The following GABRG3 variants were observed in gnomAD, a reference collection of about 807,000 sequenced individuals.
GABRG3 encodes gamma-aminobutyric acid type A receptor subunit gamma3.
In GABRG3, 25 loss-of-function variants were observed where a neutral mutation model predicts 48.8. The ratio of observed to expected loss-of-function variants is 0.51; its 90% CI spans 0.37 to 0.72. The LOEUF (loss-of-function observed/expected upper bound fraction) is 0.72. Among genes scored for constraint, GABRG3 ranks in the 30% least tolerant of loss-of-function variants. The pLI, the probability that GABRG3 is intolerant of heterozygous loss-of-function variation, is 0.00. For synonymous variants in GABRG3, 227 were observed against 217.6 expected (o/e 1.04, Z -0.38); for missense variants, 394 against 577.9 (o/e 0.68, Z 3.26).
intron 2 of GABRG3, among the ~76,000 whole-genome samples, chr15:27,024,778 G>T (rs902388989): frequency 3.3e-5 from 5 of 152,110 alleles, no homozygotes; most frequent in African/African-American, 1.2e-4. Flanking sequence ...TGTATTCCCA[G>T]CACTTTGGGA....
intron 3 of GABRG3, among the ~76,000 whole-genome samples, chr15:27,245,787 C>T (rs1296856083): frequency 7.9e-5 from 12 of 152,118 alleles, no homozygotes; most frequent in South Asian, 6.2e-4. Context: ...GCAGGAGAAT[C>T]GCTTGAACCT....
At chr15:27,305,207 C>A (rs1048918429) in intron 3 of GABRG3, among the ~76,000 whole-genome samples, 3 of 151,566 alleles carry the variant, frequency 2.0e-5, no homozygotes, top group Non-Finnish European at 3.0e-5. Flanking sequence ...GTACTCTAAT[C>A]AAGTATATTT....
Position 27,262,752 on chromosome 15 carries a change from C to T in GABRG3, c.271-64057C>T, listed in dbSNP as rs148994975. Among the ~76,000 whole-genome samples, 108 of 152,300 alleles carry T rather than the reference C, an allele frequency of 7.1e-4. 1 individual carries two copies. The highest frequency in any genetic ancestry group is 2.3e-3 in the African/African-American group (96 of 41,568). Reference sequence around the variant, plus strand: ...AATGATTTTGAGAAAATGGAGTCCACGTAATTATATGCCTTGTCTCTGTTT... The same window carrying T: ...AATGATTTTGAGAAAATGGAGTCCATGTAATTATATGCCTTGTCTCTGTTT... On this transcript the variant is annotated intron_variant, in intron 3 of 9. Transcript: ENST00000615808.
At chr15:27,405,717 T>G (rs72705738) in intron 5 of GABRG3, among the ~76,000 whole-genome samples, 17,664 of 152,146 alleles carry the variant, frequency 0.12, 1,701 homozygotes, top group African/African-American at 0.26. Context: ...TGTGTGTTTG[T>G]GTGCTGAGAG....
At chr15:27,297,335 C>T (rs920143549) in intron 3 of GABRG3, among the ~76,000 whole-genome samples, 17 of 152,066 alleles carry the variant, frequency 1.1e-4, no homozygotes, top group South Asian at 4.1e-4. Context: ...TCTACAGTAG[C>T]GTACTGGGAT....
At chr15:27,496,439 T>C (rs982397014) in intron 6 of GABRG3, among the ~76,000 whole-genome samples, 1 of 152,186 alleles carries the variant, frequency 6.6e-6, no homozygotes, top group Non-Finnish European at 1.5e-5. Flanking sequence ...TTGTTGGGCA[T>C]TGCTTTTTGG....
At chr15:27,141,853 C>T (rs1364073657) in intron 3 of GABRG3, among the ~76,000 whole-genome samples, 1 of 152,186 alleles carries the variant, frequency 6.6e-6, no homozygotes, top group Non-Finnish European at 1.5e-5. Flanking sequence ...GATGCACTGC[C>T]TTTCCTGGAC....
intron 2 of GABRG3, among the ~76,000 whole-genome samples, chr15:26,987,897 C>G (rs1415261091): frequency 6.6e-6 from 1 of 152,104 alleles, no homozygotes; most frequent in African/African-American, 2.4e-5. Flanking sequence ...TCCTAATTTC[C>G]TTTTTGATTT....
chr15:27,264,662 A>G (rs1010600556), intron 3 of GABRG3, among the ~76,000 whole-genome samples: 27 of 151,940 alleles, frequency 1.8e-4, no homozygotes, highest in African/African-American at 6.3e-4. Context: ...TAAAACTACA[A>G]TCCAAACAAC....
chr15:27,234,206 C>G (rs1177409667), intron 3 of GABRG3, among the ~76,000 whole-genome samples: 2 of 152,138 alleles, frequency 1.3e-5, no homozygotes, highest in African/African-American at 4.8e-5. Flanking sequence ...TTGCTGGATT[C>G]TTATTTTTTG....
intron 1 of GABRG3, among the ~76,000 whole-genome samples, chr15:26,973,140 G>A (rs139050873): frequency 7.2e-5 from 11 of 152,278 alleles, no homozygotes; most frequent in African/African-American, 2.6e-4. Context: ...GTAATCAACT[G>A]TTTAGGTCTC....
intron 3 of GABRG3, among the ~76,000 whole-genome samples, chr15:27,032,189 GTTA>G (rs919821617): frequency 6.6e-6 from 1 of 152,130 alleles, no homozygotes; most frequent in African/African-American, 2.4e-5. Context: ...CTTGATTTCA[GTTA>G]TTATGTTTTC....
chr15:27,310,760 T>A (rs768123088), intron 3 of GABRG3, among the ~76,000 whole-genome samples: 1 of 152,180 alleles, frequency 6.6e-6, no homozygotes, highest in Non-Finnish European at 1.5e-5. Flanking sequence ...AGGATAGTGG[T>A]ATTGAAACAA....
chr15:27,376,038 T>C (rs921427984), intron 5 of GABRG3, among the ~76,000 whole-genome samples: 4 of 152,192 alleles, frequency 2.6e-5, no homozygotes, highest in Non-Finnish European at 5.9e-5. Flanking sequence ...GGTACAGGCA[T>C]TGGGTAAATA....
chr15:27,099,218 T>C (rs777238980), intron 3 of GABRG3, among the ~76,000 whole-genome samples: 1 of 152,190 alleles, frequency 6.6e-6, no homozygotes, highest in African/African-American at 2.4e-5. Context: ...TTTCTACACT[T>C]CACTCAAAGT....
intron 3 of GABRG3, among the ~76,000 whole-genome samples, chr15:27,042,522 G>A (rs1896294422): frequency 3.3e-5 from 5 of 152,114 alleles, no homozygotes; most frequent in African/African-American, 9.7e-5. Flanking sequence ...GTTGCAGTGC[G>A]GTGGTTGCAG....
At chr15:27,139,420 A>C (rs1233320598) in intron 3 of GABRG3, among the ~76,000 whole-genome samples, 3 of 152,194 alleles carry the variant, frequency 2.0e-5, no homozygotes, top group Non-Finnish European at 4.4e-5. Context: ...CCCTCAGCAG[A>C]ATGGATGGTG....
At chr15:27,159,772 C>T (rs976575943) in intron 3 of GABRG3, among the ~76,000 whole-genome samples, 2 of 152,164 alleles carry the variant, frequency 1.3e-5, no homozygotes, top group Non-Finnish European at 2.9e-5. Context: ...CATGTAATTA[C>T]TGAACTTTGC....
chr15:27,143,216 C>T (rs1438958546), intron 3 of GABRG3, among the ~76,000 whole-genome samples: 1 of 152,134 alleles, frequency 6.6e-6, no homozygotes, highest in African/African-American at 2.4e-5. Context: ...GTAGCTGGGA[C>T]TACAGGCATG....
Sources: allele counts gnomAD v4.1 joint callset (sites outside exome capture counted in the v4.1 genomes callset), GRCh38; gene constraint gnomAD v4.1.1; transcripts MANE v1.5; gene names NCBI Gene and HGNC (gene_info 2026-07-23, HGNC 2026-07-21).